The following LRRK2 variants were observed in gnomAD, a reference collection of about 807,000 sequenced individuals.
LRRK2 encodes the protein leucine rich repeat kinase 2.
LRRK2 carries 203 observed loss-of-function variants against 302.6 expected under a neutral mutation model. The observed-to-expected ratio is 0.67, with a 90% confidence interval of 0.60 to 0.75. The LOEUF (loss-of-function observed/expected upper bound fraction) is 0.75. Among genes scored for constraint, LRRK2 ranks in the 30% least tolerant of loss-of-function variants. The pLI is 0.00. For missense variants in LRRK2, 2,830 were observed against 2,951.0 expected (o/e 0.96, Z 0.95); for synonymous variants, 1,066 against 1,031.9 (o/e 1.03, Z -0.63).
At position 40,369,032 on chromosome 12, in the gene LRRK2, A is replaced by G. The variant is rs1383693760; in HGVS notation, c.*1267A>G. ...TTCTCAGAACTTATGGCATTTTACTATGTGAAAACTTTAAATTTATTTATA... is the reference window on the plus strand; with the variant it reads ...TTCTCAGAACTTATGGCATTTTACTGTGTGAAAACTTTAAATTTATTTATA... On this transcript the variant is annotated 3_prime_UTR_variant, in exon 51 of 51. Transcript: ENST00000298910. The G allele has an allele frequency of 2.0e-5, 3 of 151,838 alleles. No individual in the cohort carries two copies. Among genetic ancestry groups the G allele is most frequent in the Admixed American group, 6.6e-5 (1 of 15,188 alleles). 9.4% of individuals were successfully genotyped at this position (151,838 alleles called of 1,614,324 possible). A position where few individuals can be genotyped will look rare whatever the true frequency, so the allele number is the denominator to read the frequency against.
chr12:40,312,707 T>G (rs1427176855), intron 31 of LRRK2: 2 of 152,082 alleles, frequency 1.3e-5, no homozygotes, highest in African/African-American at 4.8e-5. Context: ...GTCCAGCCCA[T>G]TAGCAGAGCA....
rs199493661 is a variant in LRRK2 at position 40,369,235 on chromosome 12, A to C, written c.*1470A>C. ...TTTTTTACCAAAGACAAATTAAAAAAATGAATACCATATTTAAATGGAATA... is the reference window on the plus strand; with the variant it reads ...TTTTTTACCAAAGACAAATTAAAAACATGAATACCATATTTAAATGGAATA... On this transcript the variant is annotated 3_prime_UTR_variant, in exon 51 of 51. Coordinates refer to ENST00000298910, the MANE Select transcript of LRRK2 (RefSeq NM_198578.4). 1 of 151,866 alleles carries C rather than the reference A, an allele frequency of 6.6e-6. No homozygotes were observed. Among genetic ancestry groups the C allele is most frequent in the Non-Finnish European group, 1.5e-5 (1 of 67,802 alleles). 9.4% of individuals were successfully genotyped at this position (151,866 alleles called of 1,614,324 possible). A position where few individuals can be genotyped will look rare whatever the true frequency, so the allele number is the denominator to read the frequency against.
intron 44 of LRRK2, among the ~76,000 whole-genome samples, chr12:40,353,559 G>A (rs889555834): frequency 3.3e-5 from 5 of 151,480 alleles, no homozygotes; most frequent in African/African-American, 9.7e-5. Context: ...AGGCAGAGAC[G>A]CTCCTCACTT....
intron 11 of LRRK2, among the ~76,000 whole-genome samples, chr12:40,255,154 C>T (rs1360073914): frequency 6.6e-6 from 1 of 151,866 alleles, no homozygotes; most frequent in Non-Finnish European, 1.5e-5. Flanking sequence ...AGTAAAAATC[C>T]CAGGCTCATG....
At position 40,354,397 on chromosome 12, in the gene LRRK2, G is replaced by C. The variant is rs2137006403; in HGVS notation, c.6675G>C (p.Leu2225=). 6.2e-7 allele frequency: 1 copy of C among 1,614,008 alleles called. No individual in the cohort carries two copies. The highest frequency in any genetic ancestry group is 8.5e-7 in the Non-Finnish European group (1 of 1,179,934). ...IVSGTQSGTL[L]VINTEDGKKR... ...CTGGGACACAGTCTGGTACTCTCCT[G>C]GTCATCAATACCGAAGATGGGAAAA... is the stretch of plus-strand genomic sequence containing the variant. Residue 2225 remains leucine, a synonymous_variant, in exon 45 of 51, where the codon CTG becomes CTC. Transcript: ENST00000298910.
rs1295154741 is a variant in LRRK2 at position 40,278,084 on chromosome 12, T to A, written c.2071-7T>A. Reference sequence around the variant, plus strand: ...CTGACTCTAATTCTCATTTCCACTCTTTTTAGTTTCTAAACCTCTGTTGCA... The same window carrying A: ...CTGACTCTAATTCTCATTTCCACTCATTTTAGTTTCTAAACCTCTGTTGCA... On this transcript the variant is annotated splice_polypyrimidine_tract_variant and splice_region_variant and intron_variant, in intron 17 of 50. Coordinates refer to ENST00000298910, the MANE Select transcript of LRRK2 (RefSeq NM_198578.4). 1 of 1,613,914 alleles carries A rather than the reference T, an allele frequency of 6.2e-7. No individual in the cohort carries two copies. The highest frequency in any genetic ancestry group is 1.3e-5 in the African/African-American group (1 of 74,930).
At chr12:40,271,502 T>A (rs2136586139) in intron 14 of LRRK2, among the ~76,000 whole-genome samples, 1 of 152,282 alleles carries the variant, frequency 6.6e-6, no homozygotes, top group Non-Finnish European at 1.5e-5. Flanking sequence ...GGTGGTAGGA[T>A]GCTGCCATCC....
At position 40,247,505 on chromosome 12, in the gene LRRK2, C is replaced by CATGTATATAAATATACATACAA. The variant is rs201868509; in HGVS notation, c.839-2301_839-2280dup. On this transcript the variant is annotated intron_variant, in intron 7 of 50. Coordinates refer to ENST00000298910, the MANE Select transcript of LRRK2 (RefSeq NM_198578.4). ...ATATAAATGTGTATATATATTTACA[C>CATGTATATAAATATACATACAA]ATGTATATAAATATACATACAAATG... is the stretch of plus-strand genomic sequence containing the variant. Among the ~76,000 whole-genome samples, 163 of 135,582 alleles carry CATGTATATAAATATACATACAA rather than the reference C, an allele frequency of 1.2e-3. 8 individuals are homozygous for CATGTATATAAATATACATACAA. The highest frequency in any genetic ancestry group is 2.8e-3 in the African/African-American group (100 of 35,726). The allele number at this position is 135,582 out of a possible 152,430, so 88.9% of individuals were successfully genotyped here. A position where few individuals can be genotyped will look rare whatever the true frequency, so the allele number is the denominator to read the frequency against.
In LRRK2 at chr12:40,356,076, A is replaced by G. The variant is rs766640090; in HGVS notation, c.6771-39A>G. ...ATTAAGGCCATTTTAGTCAACATAC[A>G]TGTTCTTTTTGTAACAATTTCAACA... On this transcript the variant is annotated intron_variant, in intron 45 of 50. Transcript: ENST00000298910. 3.5e-6 allele frequency: 5 copies of G among 1,434,306 alleles called. No homozygotes were observed. In the South Asian group the frequency reaches 4.7e-5, roughly 14 times the overall value. 88.8% of individuals were successfully genotyped at this position (1,434,306 alleles called of 1,614,324 possible). A position where few individuals can be genotyped will look rare whatever the true frequency, so the allele number is the denominator to read the frequency against.
At chr12:40,246,743 G>T (rs1297746965) in intron 7 of LRRK2, among the ~76,000 whole-genome samples, 1 of 152,140 alleles carries the variant, frequency 6.6e-6, no homozygotes, top group African/African-American at 2.4e-5. Context: ...CTTAATATGG[G>T]AGACTCTGGT....
At chr12:40,293,749 C>A in intron 21 of LRRK2, 86 bp downstream of exon 21, 1 of 885,628 alleles carries the variant, frequency 1.1e-6, no homozygotes, top group Non-Finnish European at 1.9e-6. Flanking sequence ...AAGCTAGGAA[C>A]AATTGGTAGG....
chr12:40,267,003 G>A (rs1218269952), intron 14 of LRRK2, among the ~76,000 whole-genome samples: 3 of 129,732 alleles, frequency 2.3e-5, no homozygotes, highest in Non-Finnish European at 4.8e-5. Flanking sequence ...GGGGGGAGGG[G>A]GGATAGCATT....
Position 40,240,493 on chromosome 12 carries a change from G to A in LRRK2, c.582G>A (p.Glu194=), listed in dbSNP as rs906062859. ...LHVLFERVSE[E]QLTEFVENKD... The stretch of plus-strand genomic sequence containing the variant: ...TCTTTCATTTTTAAGTCTCAGAGGA[G>A]CAACTGACTGAATTTGTTGAGAACA... Residue 194 remains glutamate, a synonymous_variant, in exon 6 of 51, where the codon GAG becomes GAA. Transcript: ENST00000298910. 3.1e-6 allele frequency: 5 copies of A among 1,612,664 alleles called. No individual in the cohort carries two copies. The highest frequency in any genetic ancestry group is 3.4e-6 in the Non-Finnish European group (4 of 1,179,150).
At chr12:40,293,729 A>G in intron 21 of LRRK2, 66 bp downstream of exon 21, 2 of 1,076,498 alleles carry the variant, frequency 1.9e-6, no homozygotes, top group East Asian at 4.8e-5. Flanking sequence ...GATAACTAAA[A>G]TTTATGCCAA....
chr12:40,274,037 T>C lies in LRRK2; in HGVS notation c.1657-546T>C, dbSNP rs113901361. Reference sequence around the variant, plus strand: ...TGCATATTAGCTCTGTTACTTGAGCTTTTATTTCTGCATCTTTAAAGTTTG... The same window carrying C: ...TGCATATTAGCTCTGTTACTTGAGCCTTTATTTCTGCATCTTTAAAGTTTG... On this transcript the variant is annotated intron_variant, in intron 14 of 50. Transcript: ENST00000298910. Among the ~76,000 whole-genome samples the C allele has an allele frequency of 3.5e-3, 534 of 152,318 alleles. 5 individuals carry two copies. The highest frequency in any genetic ancestry group is 0.011 in the African/African-American group (460 of 41,576).
At chr12:40,326,452 C>A (rs1253356778) in intron 38 of LRRK2, among the ~76,000 whole-genome samples, 1 of 138,918 alleles carries the variant, frequency 7.2e-6, no homozygotes, top group Non-Finnish European at 1.5e-5. Flanking sequence ...GGCGACAGAG[C>A]GAGACTCTGT....
rs1192856166 is a variant in LRRK2, at chr12:40,316,364, A to G, written c.4827+1064A>G. ...CTCAAGAGCATATTGAAACATTGCA[A>G]TCAGCAATTATTTGCAGTGTGTCAG... On this transcript the variant is annotated intron_variant, in intron 33 of 50. Coordinates refer to ENST00000298910, the MANE Select transcript of LRRK2 (RefSeq NM_198578.4). The G allele has an allele frequency of 1.0e-5, 10 of 983,928 alleles. No individual in the cohort carries two copies. In the African/African-American group the frequency reaches 1.2e-4, roughly 12 times the overall value. The allele number at this position is 983,928 out of a possible 1,614,324, so 60.9% of individuals were successfully genotyped here.
At chr12:40,306,978 T>A (rs975929436) in intron 28 of LRRK2, among the ~76,000 whole-genome samples, 1 of 152,002 alleles carries the variant, frequency 6.6e-6, no homozygotes, top group Non-Finnish European at 1.5e-5. Flanking sequence ...ATTGGTTCAG[T>A]TCTTACTAAA....
rs528500644 is a variant in LRRK2, at chr12:40,367,229, A to T, written c.7462+152A>T. On this transcript the variant is annotated intron_variant, in intron 50 of 50. Transcript: ENST00000298910. ...TATAGTGTAAAGAACTTAGACATAA[A>T]TTTTCAAAATTACAAGTGATATGAA... 6.0e-6 allele frequency: 4 copies of T among 669,768 alleles called. No individual in the cohort carries two copies. In the East Asian group the frequency reaches 1.2e-4, roughly 19 times the overall value. The allele number at this position is 669,768 out of a possible 1,614,324, so 41.5% of individuals were successfully genotyped here. A position where few individuals can be genotyped will look rare whatever the true frequency, so the allele number is the denominator to read the frequency against.
Sources: allele counts gnomAD v4.1 joint callset (sites outside exome capture counted in the v4.1 genomes callset), GRCh38; gene constraint gnomAD v4.1.1; transcripts MANE v1.5; gene names NCBI Gene and HGNC (gene_info 2026-07-23, HGNC 2026-07-21).